The following LONP2 variants were observed in gnomAD, a reference collection of about 807,000 sequenced individuals.
LONP2 encodes lon peptidase 2, peroxisomal, also known as lon protease homolog 2, peroxisomal.
A neutral mutation model predicts 85.6 loss-of-function variants in LONP2; 60 were observed. The ratio of observed to expected loss-of-function variants is 0.70; its 90% confidence interval spans 0.57 to 0.87. LONP2 has a LOEUF of 0.87. Among genes scored for constraint, LONP2 ranks in the 40% least tolerant of loss-of-function variants. The probability of loss-of-function intolerance (pLI) is 0.00; values close to 1 mark genes in which losing one functional copy is unlikely to be tolerated. For synonymous variants in LONP2, 395 were observed against 389.7 expected, an observed-to-expected ratio of 1.01 and a Z score of -0.16; for missense variants, 860 against 1,063.5, an observed-to-expected ratio of 0.81 and a Z score of 2.66.
At chr16:48,305,091 C>T (rs931811076) in intron 11 of LONP2, among the ~76,000 whole-genome samples, 4 of 152,210 alleles carry the variant, frequency 2.6e-5, no homozygotes, top group African/African-American at 4.8e-5. Flanking sequence ...TGCCTCCCCA[C>T]GCCTGGAACC....
Position 48,261,480 on chromosome 16 carries a change from T to C in LONP2, c.780T>C (p.Asp260=). Residue 260 remains aspartate (D), a synonymous_variant, in exon 5 of 15, where the codon GAT becomes GAC. Coordinates refer to ENST00000285737, the MANE Select transcript of LONP2 (RefSeq NM_031490.5). ...CACATATCTCAGGTACTTTAGAAGATGAAGATGAAGATGAAGATAATGATG... is the reference window on the plus strand; with the variant it reads ...CACATATCTCAGGTACTTTAGAAGACGAAGATGAAGATGAAGATAATGATG... ...RITHISGTLE[D]EDEDEDNDDI... is the part of the protein sequence containing the mutation. 6.2e-7 allele frequency: 1 copy of C among 1,607,308 alleles called. No individual in the cohort carries two copies. Among genetic ancestry groups the C allele is most frequent in the African/African-American group, 1.3e-5 (1 of 74,264 alleles).
chr16:48,349,019 T>C (rs1048308041), intron 14 of LONP2, among the ~76,000 whole-genome samples: 7 of 152,170 alleles, frequency 4.6e-5, no homozygotes, highest in Admixed American at 1.3e-4. Context: ...TTTGCTAGTA[T>C]AGAATGGAAA....
intron 11 of LONP2, among the ~76,000 whole-genome samples, chr16:48,319,532 A>G (rs1446836730): frequency 1.3e-5 from 2 of 152,134 alleles, no homozygotes; most frequent in East Asian, 1.9e-4. Flanking sequence ...GTTTTATATT[A>G]TATAGCCCAC....
rs34729067 is a variant in LONP2 at position 48,348,487 on chromosome 16, CTTT to C, written c.2337+217_2337+219del. Among the ~76,000 whole-genome samples, 821 of 112,800 alleles carry C rather than the reference CTTT, an allele frequency of 7.3e-3. 3 individuals carry two copies. The highest frequency in any genetic ancestry group is 0.028 in the African/African-American group (738 of 26,830). 74.0% of individuals were successfully genotyped at this position (112,800 alleles called of 152,430 possible). A position where few individuals can be genotyped will look rare whatever the true frequency, so the allele number is the denominator to read the frequency against. Reference sequence around the variant, plus strand: ...AAAACTGACAATTTTTCACATTTTCCTTTTTTTTTTTTTTTTTTTTTTGAAATA... The same window carrying C: ...AAAACTGACAATTTTTCACATTTTCCTTTTTTTTTTTTTTTTTTTGAAATA... On this transcript the variant is annotated intron_variant, in intron 14 of 14. Transcript: ENST00000285737.
intron 6 of LONP2, among the ~76,000 whole-genome samples, chr16:48,264,386 G>A (rs1276193043): frequency 2.6e-5 from 4 of 152,172 alleles, no homozygotes; most frequent in African/African-American, 9.7e-5. Context: ...TGAGAAAAAA[G>A]AATTCAGCGA....
rs568092925 is a variant in LONP2, at chr16:48,250,146, C to T, written c.234-1985C>T. Among the ~76,000 whole-genome samples the T allele has an allele frequency of 2.1e-4, 31 of 149,566 alleles. No individual in the cohort carries two copies. The South Asian group carries it at 5.7e-3, about 28-fold the overall frequency. On this transcript the variant is annotated intron_variant, in intron 1 of 14. Coordinates refer to ENST00000285737, the MANE Select transcript of LONP2 (RefSeq NM_031490.5). Reference sequence around the variant, plus strand: ...GGCAGAGTGCAATAAGCCGAGATCACGCCATTGTACGTCAGGCTGGGCGAC... The same window carrying T: ...GGCAGAGTGCAATAAGCCGAGATCATGCCATTGTACGTCAGGCTGGGCGAC...
rs768764432 is a variant in LONP2, at chr16:48,244,434, C to T, written c.46C>T (p.Leu16=). Residue 16 remains leucine (L), a synonymous_variant, in exon 1 of 15, where the codon CTG becomes TTG. Coordinates refer to ENST00000285737, the MANE Select transcript of LONP2 (RefSeq NM_031490.5). The stretch of plus-strand genomic sequence containing the variant: ...CCAGATCCCCAGTCGCCTCCCGCTG[C>T]TGCTCACCCACGAGGGCGTCCTGCT... ...PIQIPSRLPL[L]LTHEGVLLPG... 1.3e-6 allele frequency: 2 copies of T among 1,593,420 alleles called. No homozygotes were observed. Among genetic ancestry groups the T allele is most frequent in the Admixed American group, 1.7e-5 (1 of 58,172 alleles).
At chr16:48,263,489 G>A (rs1347379095) in intron 6 of LONP2, among the ~76,000 whole-genome samples, 1 of 152,138 alleles carries the variant, frequency 6.6e-6, no homozygotes, top group Non-Finnish European at 1.5e-5. Flanking sequence ...TTAGCATGAT[G>A]CCCTCTAACC....
At chr16:48,293,164 C>T (rs369527210) in intron 8 of LONP2, among the ~76,000 whole-genome samples, 3 of 152,146 alleles carry the variant, frequency 2.0e-5, no homozygotes, top group Non-Finnish European at 4.4e-5. Context: ...CATGGTGGCT[C>T]ATGCCTGTAA....
chr16:48,245,267 C>T (rs1971300914), intron 1 of LONP2, among the ~76,000 whole-genome samples: 1 of 152,282 alleles, frequency 6.6e-6, no homozygotes, highest in Middle Eastern at 3.4e-3. Context: ...TAGCTTCTCA[C>T]CTCTGCTCCT....
intron 2 of LONP2, among the ~76,000 whole-genome samples, chr16:48,255,742 C>T (rs1008398235): frequency 6.6e-5 from 10 of 152,054 alleles, no homozygotes; most frequent in Non-Finnish European, 1.3e-4. Flanking sequence ...CTCACAAGAT[C>T]AGATGGTTAT....
intron 5 of LONP2, among the ~76,000 whole-genome samples, chr16:48,262,530 G>A (rs1452540563): frequency 6.6e-6 from 1 of 152,226 alleles, no homozygotes; most frequent in Non-Finnish European, 1.5e-5. Flanking sequence ...CAGAGCAGAA[G>A]GGAAGAACCC....
intron 9 of LONP2, among the ~76,000 whole-genome samples, chr16:48,296,374 T>G (rs539084392): frequency 2.0e-5 from 3 of 152,338 alleles, no homozygotes; most frequent in East Asian, 3.9e-4. Flanking sequence ...ATTTCAGATT[T>G]AATTAGCATG....
chr16:48,333,394 C>T (rs1232483804), intron 11 of LONP2, among the ~76,000 whole-genome samples: 1 of 152,136 alleles, frequency 6.6e-6, no homozygotes, highest in African/African-American at 2.4e-5. Context: ...CCTGGCACTG[C>T]CAATTATATT....
intron 1 of LONP2, among the ~76,000 whole-genome samples, chr16:48,251,823 A>G (rs1971656741): frequency 1.3e-5 from 2 of 152,208 alleles, no homozygotes; most frequent in Non-Finnish European, 2.9e-5. Context: ...TGTTAATTTA[A>G]GATATGTAAT....
In LONP2 at chr16:48,271,461, A is replaced by G. The variant is rs115532160; in HGVS notation, c.1241+1187A>G. Among the ~76,000 whole-genome samples, 1,264 of 152,278 alleles carry G rather than the reference A, an allele frequency of 8.3e-3. 17 individuals are homozygous for G. The highest frequency in any genetic ancestry group is 0.028 in the African/African-American group (1,158 of 41,560). The stretch of plus-strand genomic sequence containing the variant: ...ATGCTTTTTTAATATCTTGTTTTCT[A>G]TGTGCCTTATTCAAAGGGATCCCTA... On this transcript the variant is annotated intron_variant, in intron 7 of 14. Transcript: ENST00000285737.
intron 12 of LONP2, among the ~76,000 whole-genome samples, chr16:48,346,535 A>G (rs779867281): frequency 2.4e-4 from 37 of 152,158 alleles, no homozygotes; most frequent in Non-Finnish European, 5.0e-4. Context: ...AGTATTGTAT[A>G]GTCTCTGCAG....
chr16:48,288,235 C>T (rs943619360), intron 8 of LONP2, among the ~76,000 whole-genome samples: 1 of 148,954 alleles, frequency 6.7e-6, no homozygotes, highest in Non-Finnish European at 1.5e-5. Context: ...CTCACTGCAA[C>T]CTCTGCCTCC....
chr16:48,361,534 G>T, downstream of LONP2: 1 of 1,590,846 alleles, frequency 6.3e-7, no homozygotes, highest in Non-Finnish European at 8.6e-7. Flanking sequence ...TATTTTCTGT[G>T]AAACTGAAGT....
Sources: allele counts gnomAD v4.1 joint callset (sites outside exome capture counted in the v4.1 genomes callset), GRCh38; gene constraint gnomAD v4.1.1; transcripts MANE v1.5; gene names NCBI Gene and HGNC (gene_info 2026-07-23, HGNC 2026-07-21).